The following BMPR1A variants were observed in gnomAD, a reference collection of about 807,000 sequenced individuals.
BMPR1A encodes the protein bone morphogenetic protein receptor type-1A.
In BMPR1A, 7 loss-of-function variants were observed where a neutral mutation model predicts 66.0. The ratio of observed to expected loss-of-function variants is 0.11; its 90% CI spans 0.06 to 0.20. The LOEUF is 0.20. Among genes scored for constraint, BMPR1A ranks in the 10% least tolerant of loss-of-function variants. BMPR1A has a pLI of 1.00. For missense variants in BMPR1A, 408 were observed against 669.1 expected (o/e 0.61, Z 4.31); for synonymous variants, 200 against 229.7 (o/e 0.87, Z 1.17).
At chr10:86,856,782 T>G (rs1304821238) in intron 2 of BMPR1A, among the ~76,000 whole-genome samples, 1 of 152,238 alleles carries the variant, frequency 6.6e-6, no homozygotes, top group Admixed American at 6.5e-5. Context: ...GTTAAAAGTT[T>G]GGTGGTCCCC....
intron 1 of BMPR1A, among the ~76,000 whole-genome samples, chr10:86,761,962 CAG>C (rs1841066962): frequency 1.3e-5 from 2 of 152,170 alleles, no homozygotes; most frequent in Admixed American, 6.5e-5. Context: ...TGGGGTTTGA[CAG>C]AGGTTTGTGC....
chr10:86,866,411 T>C lies in BMPR1A; in HGVS notation c.-152-9456T>C, dbSNP rs10887662. The stretch of plus-strand genomic sequence containing the variant: ...GGCAAGTTTCTTTCTTTTTTTTTTT[T>C]TTTTTTTTTTTTTTTGAGATGGAGT... On this transcript the variant is annotated intron_variant, in intron 2 of 12. Coordinates refer to ENST00000372037, the MANE Select transcript of BMPR1A (RefSeq NM_004329.3). 0.01 allele frequency among the ~76,000 whole-genome samples: 493 copies of C among 48,874 alleles called. 34 individuals carry two copies. The East Asian group carries it at 0.29, about 29-fold the overall frequency. 32.1% of individuals were successfully genotyped at this position (48,874 alleles called of 152,430 possible).
At chr10:86,766,908 C>T (rs1841172743) in intron 1 of BMPR1A, among the ~76,000 whole-genome samples, 1 of 151,414 alleles carries the variant, frequency 6.6e-6, no homozygotes, top group African/African-American at 2.4e-5. Context: ...ACTGCAGCCT[C>T]TGCCTCCCGG....
At chr10:86,802,859 C>A (rs934568784) in intron 1 of BMPR1A, among the ~76,000 whole-genome samples, 2 of 151,548 alleles carry the variant, frequency 1.3e-5, no homozygotes, top group African/African-American at 4.9e-5. Context: ...TTGCTTGAGC[C>A]CAGGAGTTGG....
intron 1 of BMPR1A, among the ~76,000 whole-genome samples, chr10:86,771,613 T>C (rs1001971542): frequency 6.6e-6 from 1 of 152,180 alleles, no homozygotes; most frequent in African/African-American, 2.4e-5. Context: ...ACCACATAAT[T>C]ATATTGTCAA....
At chr10:86,877,675 A>G (rs1842937114) in intron 3 of BMPR1A, among the ~76,000 whole-genome samples, 2 of 152,206 alleles carry the variant, frequency 1.3e-5, no homozygotes, top group Admixed American at 6.5e-5. Flanking sequence ...ACACCAAATT[A>G]TTTAGTACAA....
At chr10:86,804,330 C>T (rs903440780) in intron 1 of BMPR1A, among the ~76,000 whole-genome samples, 5 of 152,116 alleles carry the variant, frequency 3.3e-5, no homozygotes, top group South Asian at 2.1e-4. Context: ...AACTCCACCT[C>T]GTGGGTTCAA....
chr10:86,775,842 T>G (rs569147756), intron 1 of BMPR1A, among the ~76,000 whole-genome samples: 36 of 152,332 alleles, frequency 2.4e-4, no homozygotes, highest in Non-Finnish European at 4.4e-4. Flanking sequence ...CATATCCATT[T>G]TTTGGTGCTT....
At chr10:86,757,197 G>C (rs1462942999) in intron 1 of BMPR1A, among the ~76,000 whole-genome samples, 1 of 152,146 alleles carries the variant, frequency 6.6e-6, no homozygotes, top group East Asian at 1.9e-4. Flanking sequence ...GGCGAAAGTC[G>C]CTCCGGGGAC....
At chr10:86,802,075 C>A (rs1312471899) in intron 1 of BMPR1A, among the ~76,000 whole-genome samples, 1 of 152,098 alleles carries the variant, frequency 6.6e-6, no homozygotes, top group African/African-American at 2.4e-5. Context: ...TTTTTGTCTG[C>A]GTCGTTGAGG....
At chr10:86,775,134 A>C (rs562221121) in intron 1 of BMPR1A, among the ~76,000 whole-genome samples, 26 of 152,352 alleles carry the variant, frequency 1.7e-4, no homozygotes, top group Non-Finnish European at 3.2e-4. Flanking sequence ...TTTGCTAAGC[A>C]TGTAATCTAC....
At chr10:86,857,927 T>C (rs1338999868) in intron 2 of BMPR1A, among the ~76,000 whole-genome samples, 1 of 152,068 alleles carries the variant, frequency 6.6e-6, no homozygotes, top group Non-Finnish European at 1.5e-5. Context: ...CAAAGTGCTG[T>C]TATTACAGGC....
chr10:86,805,960 T>C (rs868299065), intron 1 of BMPR1A, among the ~76,000 whole-genome samples: 1 of 150,510 alleles, frequency 6.6e-6, no homozygotes, highest in African/African-American at 2.5e-5. Flanking sequence ...GAGTCACATA[T>C]TGCATTTGGT....
chr10:86,777,585 A>G (rs921262000), intron 1 of BMPR1A, among the ~76,000 whole-genome samples: 1 of 149,978 alleles, frequency 6.7e-6, no homozygotes, highest in African/African-American at 2.4e-5. Flanking sequence ...GTCTCAAAAG[A>G]AAAAAAAAAG....
At chr10:86,918,235 C>T in intron 9 of BMPR1A, among the ~76,000 whole-genome samples, 1 of 152,174 alleles carries the variant, frequency 6.6e-6, no homozygotes, top group Non-Finnish European at 1.5e-5. Context: ...ATTACATCTG[C>T]AAAGACCCTC....
intron 3 of BMPR1A, among the ~76,000 whole-genome samples, chr10:86,877,428 C>G (rs1276482295): frequency 6.6e-6 from 1 of 152,056 alleles, no homozygotes; most frequent in Admixed American, 6.6e-5. Flanking sequence ...AGGATGGTCT[C>G]GATCTCCTGA....
chr10:86,823,633 A>C (rs971590360), intron 1 of BMPR1A, among the ~76,000 whole-genome samples: 3 of 152,248 alleles, frequency 2.0e-5, no homozygotes, highest in Non-Finnish European at 4.4e-5. Flanking sequence ...TAAAATGAGC[A>C]GTTGTGTGTG....
chr10:86,897,374 A>G (rs561664176), intron 5 of BMPR1A, among the ~76,000 whole-genome samples: 103 of 152,300 alleles, frequency 6.8e-4, no homozygotes, highest in African/African-American at 2.3e-3. Flanking sequence ...TTGCCTACCC[A>G]GATACATAGT....
chr10:86,920,147 CATT>C (rs1314752154), intron 10 of BMPR1A, among the ~76,000 whole-genome samples: 1 of 152,088 alleles, frequency 6.6e-6, no homozygotes, highest in Non-Finnish European at 1.5e-5. Flanking sequence ...TTTTAATGAA[CATT>C]GTTGTATTTT....
Sources: allele counts gnomAD v4.1 joint callset (sites outside exome capture counted in the v4.1 genomes callset), GRCh38; gene constraint gnomAD v4.1.1; transcripts MANE v1.5; gene names NCBI Gene and HGNC (gene_info 2026-07-23, HGNC 2026-07-21).